PDZD4: variants seen among roughly 807,000 people sequenced by gnomAD.
PDZD4 encodes the protein PDZ domain-containing protein 4.
A neutral mutation model predicts 38.5 loss-of-function variants in PDZD4; 9 were observed. The observed-to-expected ratio is 0.23, with a 90% CI of 0.14 to 0.41. PDZD4 has a LOEUF of 0.41. Among genes scored for constraint, PDZD4 ranks in the 10% least tolerant of loss-of-function variants. PDZD4 has a pLI of 1.00. For missense variants in PDZD4, 612 were observed against 722.0 expected (o/e 0.85, Z 1.75); for synonymous variants, 349 against 315.7 (o/e 1.11, Z -1.12).
At position 153,803,538 on chromosome X, in the gene PDZD4, G is replaced by A; in HGVS notation, c.2143C>T (p.Gln715Ter). 1 of 1,203,580 alleles carries A rather than the reference G, an allele frequency of 8.3e-7. No homozygotes were observed. Residue 715 changes from glutamine (Q) to a stop codon, truncating the protein, a stop_gained, in exon 8 of 8, where the codon CAG becomes TAG. Coordinates refer to ENST00000393758, the MANE Select transcript of PDZD4 (RefSeq NM_001303512.2). LOFTEE classifies it high-confidence loss of function. ...MQSRLECLRE[Q>*]QNGDSKPELN... The stretch of plus-strand genomic sequence containing the variant: ...TCGGGCTTGCTGTCGCCATTCTGCT[G>A]CTCCCGCAGGCACTCCAGCCGGCTC...
chrX:153,815,989 G>T (rs2064356910), intron 1 of PDZD4, among the ~76,000 whole-genome samples: 1 of 99,386 alleles, frequency 1.0e-5, no homozygotes, highest in Non-Finnish European at 2.0e-5. Flanking sequence ...AGGAGCTGGG[G>T]CACTGATCGC....
intron 1 of PDZD4, among the ~76,000 whole-genome samples, chrX:153,821,912 G>A (rs1164760613): frequency 1.8e-5 from 2 of 111,577 alleles, no homozygotes; most frequent in African/African-American, 6.5e-5. Flanking sequence ...AAAGGAGGCC[G>A]GGCGCGGTGG....
Position 153,804,125 on chromosome X carries a change from G to T in PDZD4, c.1556C>A (p.Thr519Asn). ...CGGTGGAGGAGCTGCCTTGGCGGGG[G>T]TGGCAACAGCGGGGCCGGGAGGGGT... Reference protein sequence around the residue: ...NRTPPGPAVATPAKAAPPPGS... With the variant: ...NRTPPGPAVANPAKAAPPPGS... The change falls in exon 8 of 8, where the codon ACC becomes AAC. Residue 519 changes from threonine (T) to asparagine (N), a missense_variant. By Grantham distance (65) the Thr-to-Asn change is moderately conservative. This residue lies in a region of PDZD4 where 300 missense variants were observed against 284.6 expected (regional missense o/e 1.05). Coordinates refer to ENST00000393758, the MANE Select transcript of PDZD4 (RefSeq NM_001303512.2). 1 of 1,151,108 alleles carries T rather than the reference G, an allele frequency of 8.7e-7. No homozygotes were observed. 94.9% of individuals were successfully genotyped at this position (1,151,108 alleles called of 1,213,427 possible). A position where few individuals can be genotyped will look rare whatever the true frequency, so the allele number is the denominator to read the frequency against.
intron 1 of PDZD4, among the ~76,000 whole-genome samples, chrX:153,809,603 CA>C (rs782431181): frequency 1.8e-5 from 2 of 112,927 alleles, no homozygotes; most frequent in Non-Finnish European, 3.7e-5. Context: ...AAAAAAATGC[CA>C]CTACTGTTTT....
At chrX:153,816,481 C>T (rs782231369) in intron 1 of PDZD4, among the ~76,000 whole-genome samples, 70 of 109,673 alleles carry the variant, frequency 6.4e-4, no homozygotes, top group African/African-American at 2.2e-3. Context: ...GGGGGGTGGG[C>T]CCGGGAAGCA....
chrX:153,807,762 T>C, intron 2 of PDZD4: 1 of 841,222 alleles, frequency 1.2e-6, no homozygotes, highest in Non-Finnish European at 1.5e-6. Context: ...GGAGGACTTC[T>C]GCAGAGCAGA....
intron 1 of PDZD4, among the ~76,000 whole-genome samples, chrX:153,812,424 G>A (rs1487903575): frequency 1.8e-5 from 2 of 109,821 alleles, no homozygotes; most frequent in African/African-American, 3.3e-5. Context: ...AATCATTACC[G>A]AGCAGCAGTG....
chrX:153,811,905 T>G (rs1281070930), intron 1 of PDZD4, among the ~76,000 whole-genome samples: 1 of 112,097 alleles, frequency 8.9e-6, no homozygotes, highest in Admixed American at 9.5e-5. Flanking sequence ...TCAGCAGCAG[T>G]GGCTAGAGCC....
chrX:153,812,901 A>G (rs1332176261), intron 1 of PDZD4, among the ~76,000 whole-genome samples: 1 of 105,237 alleles, frequency 9.5e-6, no homozygotes, highest in African/African-American at 3.5e-5. Flanking sequence ...CTACTCGACC[A>G]CTCCAGTCTC....
intron 1 of PDZD4, among the ~76,000 whole-genome samples, chrX:153,810,552 G>A (rs987401653): frequency 1.8e-5 from 2 of 113,154 alleles, no homozygotes; most frequent in African/African-American, 6.4e-5. Flanking sequence ...GGGCATGGGC[G>A]CAGGTGGCTG....
intron 1 of PDZD4, among the ~76,000 whole-genome samples, chrX:153,811,759 C>T (rs782579267): frequency 1.8e-5 from 2 of 112,120 alleles, no homozygotes; most frequent in Non-Finnish European, 3.8e-5. Context: ...GTAAGAATGT[C>T]AGTCAGGACA....
In PDZD4 at chrX:153,806,267, G is replaced by A. The variant is rs55839849; in HGVS notation, c.505-134C>T. On this transcript the variant is annotated intron_variant, in intron 4 of 7. Coordinates refer to ENST00000393758, the MANE Select transcript of PDZD4 (RefSeq NM_001303512.2). ...CCCTTCCAGCTCTGAGCCCCAGGAA[G>A]CAGAGGCAGAGGCTGTGGAGTAGTC... The A allele has an allele frequency of 3.6e-3, 2,114 of 591,333 alleles. 4 individuals carry two copies. Among genetic ancestry groups the A allele is most frequent in the Non-Finnish European group, 5.2e-3 (1,842 of 354,996 alleles). The allele number at this position is 591,333 out of a possible 1,213,427, so 48.7% of individuals were successfully genotyped here.
At chrX:153,820,204 G>A (rs782447446) in intron 1 of PDZD4, among the ~76,000 whole-genome samples, 10 of 109,358 alleles carry the variant, frequency 9.1e-5, no homozygotes, top group Admixed American at 3.9e-4. Flanking sequence ...AAAATTAGCC[G>A]GGCGTGGTGG....
At chrX:153,808,052 GGA>G in intron 2 of PDZD4, 1 of 1,060,336 alleles carries the variant, frequency 9.4e-7, no homozygotes, top group Non-Finnish European at 1.2e-6. Context: ...AGGCGGCAGA[GGA>G]GAGAGGATGG....
chrX:153,810,628 G>C (rs1442388734), intron 1 of PDZD4, among the ~76,000 whole-genome samples: 1 of 112,700 alleles, frequency 8.9e-6, no homozygotes, highest in Non-Finnish European at 1.9e-5. Flanking sequence ...AGAACTCTCT[G>C]TCCTGCATTC....
chrX:153,827,012 TA>T (rs1375172807), intron 1 of PDZD4, among the ~76,000 whole-genome samples: 1 of 112,034 alleles, frequency 8.9e-6, no homozygotes, highest in Non-Finnish European at 1.9e-5. Context: ...GGACTTAGAA[TA>T]GACAAAACAG....
At chrX:153,808,907 T>C (rs955794525) in intron 1 of PDZD4, among the ~76,000 whole-genome samples, 6 of 113,036 alleles carry the variant, frequency 5.3e-5, no homozygotes, top group African/African-American at 1.9e-4. Flanking sequence ...CAGACACTGC[T>C]TGAGCTCTCC....
chrX:153,816,670 T>C (rs2064366314), intron 1 of PDZD4, among the ~76,000 whole-genome samples: 1 of 111,811 alleles, frequency 8.9e-6, no homozygotes, highest in Non-Finnish European at 1.9e-5. Context: ...CAAAGCTGCC[T>C]GGGTGGGTAG....
At chrX:153,830,120 T>A in intron 1 of PDZD4, 119 bp downstream of exon 1, 1 of 690,524 alleles carries the variant, frequency 1.4e-6, no homozygotes, top group Non-Finnish European at 2.0e-6. Flanking sequence ...TGCGGACGGC[T>A]CCCTACCTTG....
Sources: gnomAD v4.1 joint callset for allele counts (sites outside exome capture counted in the v4.1 genomes callset) on GRCh38, gnomAD v4.1.1 for gene constraint, gnomAD v4.1.1 regional missense constraint, MANE v1.5 for transcripts, NCBI Gene and HGNC (gene_info 2026-07-23, HGNC 2026-07-21) for gene names.